ZFHX3: variants seen among roughly 807,000 people sequenced by gnomAD.
ZFHX3 encodes zinc finger homeobox protein 3.
A neutral mutation model predicts 279.1 loss-of-function variants in ZFHX3; 42 were observed. That is an observed-to-expected ratio of 0.15 (90% confidence interval 0.12 to 0.19). The LOEUF is 0.19. Ranked by LOEUF, ZFHX3 falls within the 10% of genes least tolerant of loss-of-function variation. The pLI is 1.00. For synonymous variants in ZFHX3, 2,293 were observed against 1,957.8 expected (o/e 1.17, Z -4.52); for missense variants, 4,981 against 4,754.0 (o/e 1.05, Z -1.40).
intron 3 of ZFHX3, among the ~76,000 whole-genome samples, chr16:73,394,481 G>C (rs1412552117): frequency 6.6e-6 from 1 of 152,010 alleles, no homozygotes; most frequent in Non-Finnish European, 1.5e-5. Flanking sequence ...ATTTTCAGTA[G>C]AGATGGGGTA....
intron 1 of ZFHX3, among the ~76,000 whole-genome samples, chr16:73,887,115 T>A (rs966992232): frequency 3.9e-5 from 6 of 152,182 alleles, no homozygotes; most frequent in Non-Finnish European, 5.9e-5. Flanking sequence ...GATTGGGCGA[T>A]GGTAAGGATT....
chr16:73,386,151 A>G (rs1387120153), intron 3 of ZFHX3, among the ~76,000 whole-genome samples: 8 of 151,986 alleles, frequency 5.3e-5, no homozygotes, highest in Admixed American at 5.2e-4. Context: ...AAAGTAACCA[A>G]TGCTCACTCT....
intron 2 of ZFHX3, among the ~76,000 whole-genome samples, chr16:73,532,367 T>C (rs2019820822): frequency 6.6e-6 from 1 of 152,172 alleles, no homozygotes; most frequent in Non-Finnish European, 1.5e-5. Flanking sequence ...CTTCCTTTGC[T>C]CTTTCTTTGT....
chr16:73,406,196 A>G (rs1462502799), intron 3 of ZFHX3, among the ~76,000 whole-genome samples: 3 of 152,238 alleles, frequency 2.0e-5, no homozygotes, highest in African/African-American at 7.2e-5. Context: ...CCATGTTGGC[A>G]CCAGGAGCTG....
chr16:73,586,925 A>G (rs1167528064), intron 2 of ZFHX3, among the ~76,000 whole-genome samples: 2 of 152,090 alleles, frequency 1.3e-5, no homozygotes, highest in Non-Finnish European at 2.9e-5. Context: ...TTTCTTTGTT[A>G]ATTGGGCTGT....
chr16:73,175,957 A>T (rs1967654109), intron 5 of ZFHX3, among the ~76,000 whole-genome samples: 1 of 152,228 alleles, frequency 6.6e-6, no homozygotes, highest in Non-Finnish European at 1.5e-5. Flanking sequence ...TTGTGGAATG[A>T]ATGCATAAAT....
In ZFHX3 at chr16:73,768,461, G is replaced by A. The variant is rs886361448; in HGVS notation, c.-1607-88221C>T. 2.0e-5 allele frequency among the ~76,000 whole-genome samples: 3 copies of A among 152,144 alleles called. No homozygotes were observed. In the South Asian group the frequency reaches 6.2e-4, roughly 31 times the overall value. ...CCAACCCCTATGATAGTTCTACAAT[G>A]TATTACTCTTAAAATCTAAGCTAGA... On this transcript the variant is annotated intron_variant, in intron 1 of 17. Coordinates refer to the ZFHX3 transcript ENST00000641206.
intron 1 of ZFHX3, among the ~76,000 whole-genome samples, chr16:73,036,928 C>G (rs551474087): frequency 3.3e-5 from 5 of 152,314 alleles, no homozygotes; most frequent in African/African-American, 1.2e-4. Context: ...AAAAAACACA[C>G]CCGCAAACTT....
At chr16:73,612,766 C>T (rs762481607) in intron 2 of ZFHX3, among the ~76,000 whole-genome samples, 1 of 151,850 alleles carries the variant, frequency 6.6e-6, no homozygotes, top group Non-Finnish European at 1.5e-5. Context: ...AAAATAGTGC[C>T]AATATTTGCA....
intron 4 of ZFHX3, among the ~76,000 whole-genome samples, chr16:73,304,166 T>C (rs994093531): frequency 3.0e-4 from 46 of 152,024 alleles, no homozygotes; most frequent in African/African-American, 1.1e-3. Flanking sequence ...CTGGTCTGTG[T>C]CCAGGTTCAG....
chr16:73,751,385 A>G (rs1182553625), intron 1 of ZFHX3, among the ~76,000 whole-genome samples: 2 of 152,244 alleles, frequency 1.3e-5, no homozygotes, highest in Non-Finnish European at 2.9e-5. Flanking sequence ...AAAGTATTAC[A>G]GGGTTTTAAG....
At chr16:73,403,279 T>C (rs2143438376) in intron 3 of ZFHX3, among the ~76,000 whole-genome samples, 1 of 152,352 alleles carries the variant, frequency 6.6e-6, no homozygotes, top group South Asian at 2.1e-4. Flanking sequence ...AGGGCTGCGA[T>C]TCCCCTGCTT....
chr16:72,895,873 C>CTAGATAGATAGATAGATAGA (rs146417471), intron 3 of ZFHX3, among the ~76,000 whole-genome samples: 1 of 151,776 alleles, frequency 6.6e-6, no homozygotes, highest in East Asian at 1.9e-4. Context: ...GTAGATTAGA[C>CTAGATAGATAGATAGATAGA]TAGATAGATA....
rs1243215563 is a variant in ZFHX3 at position 73,483,360 on chromosome 16, A to AGG, written c.-1546-27103_-1546-27102insCC. ...GACAGAGAGAGAGAGAAAGAGAGAG[A>AGG]GAGAGAGAGTTCCTCAAGAGAGCCG... On this transcript the variant is annotated intron_variant, in intron 2 of 17. Coordinates refer to the ZFHX3 transcript ENST00000641206. 1.1e-5 allele frequency: 5 copies of AGG among 455,136 alleles called. No homozygotes were observed. The Admixed American group carries it at 1.2e-4, about 11-fold the overall frequency. 28.2% of individuals were successfully genotyped at this position (455,136 alleles called of 1,614,324 possible).
At chr16:73,648,185 A>C (rs537352994) in intron 2 of ZFHX3, among the ~76,000 whole-genome samples, 208 of 152,306 alleles carry the variant, frequency 1.4e-3, no homozygotes, top group African/African-American at 4.8e-3. Context: ...TGCAGGATAT[A>C]TCTATATGGA....
At chr16:73,552,265 C>A (rs2020213951) in intron 2 of ZFHX3, among the ~76,000 whole-genome samples, 1 of 152,142 alleles carries the variant, frequency 6.6e-6, no homozygotes, top group Non-Finnish European at 1.5e-5. Flanking sequence ...TAATTTTTCC[C>A]ACCTCTTCCT....
At chr16:73,617,260 C>T (rs1004767009) in intron 2 of ZFHX3, among the ~76,000 whole-genome samples, 3 of 152,152 alleles carry the variant, frequency 2.0e-5, no homozygotes, top group Non-Finnish European at 4.4e-5. Context: ...GCAGACCACG[C>T]GGTGGCTGAC....
intron 7 of ZFHX3, among the ~76,000 whole-genome samples, chr16:73,101,449 G>A (rs1479504853): frequency 6.6e-6 from 1 of 152,168 alleles, no homozygotes; most frequent in Non-Finnish European, 1.5e-5. Flanking sequence ...CACGATCTTG[G>A]CTCACTGCAA....
At chr16:73,580,860 T>C (rs886102589) in intron 2 of ZFHX3, among the ~76,000 whole-genome samples, 1 of 151,904 alleles carries the variant, frequency 6.6e-6, no homozygotes, top group African/African-American at 2.4e-5. Flanking sequence ...TCTTTTGACA[T>C]GACCCATTAG....
Sources: allele counts gnomAD v4.1 joint callset (sites outside exome capture counted in the v4.1 genomes callset), GRCh38; gene constraint gnomAD v4.1.1; transcripts MANE v1.5; gene names NCBI Gene and HGNC (gene_info 2026-07-23, HGNC 2026-07-21).